The following GRM5 variants were observed in gnomAD, a reference collection of about 807,000 sequenced individuals.
GRM5 encodes glutamate metabotropic receptor 5.
In GRM5, 19 loss-of-function variants were observed where a neutral mutation model predicts 83.1. That is an observed-to-expected ratio of 0.23 (90% CI 0.16 to 0.34). The LOEUF (loss-of-function observed/expected upper bound fraction) is 0.34. GRM5 is among the 10% of genes least tolerant of loss of function. GRM5 has a pLI of 1.00. For synonymous variants in GRM5, 675 were observed against 633.6 expected, an observed-to-expected ratio of 1.07 and a Z score of -0.98; for missense variants, 1,160 against 1,588.3, an observed-to-expected ratio of 0.73 and a Z score of 4.58.
intron 3 of GRM5, among the ~76,000 whole-genome samples, chr11:88,778,198 G>C (rs1197095774): frequency 6.6e-6 from 1 of 152,236 alleles, no homozygotes; most frequent in Non-Finnish European, 1.5e-5. Flanking sequence ...CAGCCTGGCA[G>C]AGTGATCTCA....
chr11:89,059,539 G>A (rs375390315), intron 1 of GRM5, among the ~76,000 whole-genome samples: 2 of 151,354 alleles, frequency 1.3e-5, no homozygotes, highest in South Asian at 2.1e-4. Flanking sequence ...TTTAAATACC[G>A]GCTTTGTCAC....
chr11:88,640,265 C>T (rs1399855460), intron 4 of GRM5, among the ~76,000 whole-genome samples: 1 of 152,128 alleles, frequency 6.6e-6, no homozygotes, highest in Non-Finnish European at 1.5e-5. Context: ...ATCATGTGAT[C>T]AAAATTTTTC....
At chr11:88,599,849 T>C (rs1207226307) in intron 5 of GRM5, among the ~76,000 whole-genome samples, 3 of 151,910 alleles carry the variant, frequency 2.0e-5, no homozygotes, top group Non-Finnish European at 4.4e-5. Context: ...CCGTCTCTAC[T>C]AAAAATAAAA....
intron 2 of GRM5, among the ~76,000 whole-genome samples, chr11:88,874,719 A>G (rs141953906): frequency 7.1e-4 from 108 of 152,072 alleles, no homozygotes; most frequent in Middle Eastern, 3.4e-3. Flanking sequence ...TTAAGAATAT[A>G]TAGGTATACA....
At chr11:88,952,498 G>A (rs1451773233) in intron 2 of GRM5, among the ~76,000 whole-genome samples, 1 of 152,042 alleles carries the variant, frequency 6.6e-6, no homozygotes, top group Non-Finnish European at 1.5e-5. Context: ...ATGAGTATTG[G>A]TTGAATGTTC....
intron 2 of GRM5, among the ~76,000 whole-genome samples, chr11:88,990,709 T>C (rs1332724744): frequency 2.7e-5 from 4 of 150,416 alleles, no homozygotes; most frequent in African/African-American, 9.9e-5. Flanking sequence ...TGGTTCAATA[T>C]ACGCAAATCA....
chr11:88,924,556 A>G (rs1403869832), intron 2 of GRM5, among the ~76,000 whole-genome samples: 1 of 152,142 alleles, frequency 6.6e-6, no homozygotes, highest in African/African-American at 2.4e-5. Context: ...AGACACAGGA[A>G]AATAGATACT....
intron 3 of GRM5, among the ~76,000 whole-genome samples, chr11:88,685,761 A>T (rs894394322): frequency 5.3e-5 from 8 of 152,210 alleles, no homozygotes; most frequent in African/African-American, 1.9e-4. Context: ...GCGACCCCCA[A>T]GTCTTGGCAG....
At chr11:88,863,457 T>A (rs1314350186) in intron 2 of GRM5, among the ~76,000 whole-genome samples, 1 of 152,132 alleles carries the variant, frequency 6.6e-6, no homozygotes, top group Non-Finnish European at 1.5e-5. Context: ...TCATGTCCTT[T>A]GCAGGGACAT....
intron 3 of GRM5, among the ~76,000 whole-genome samples, chr11:88,741,295 G>A (rs1276651296): frequency 6.6e-6 from 1 of 151,962 alleles, no homozygotes; most frequent in Non-Finnish European, 1.5e-5. Flanking sequence ...AGTACAGTAG[G>A]GAGAATGAAA....
At chr11:88,763,394 A>G (rs1002734390) in intron 3 of GRM5, among the ~76,000 whole-genome samples, 5 of 151,882 alleles carry the variant, frequency 3.3e-5, no homozygotes, top group African/African-American at 9.7e-5. Context: ...CATTGTAACA[A>G]TGGTTTACAA....
chr11:88,765,301 C>T (rs1389760634), intron 3 of GRM5, among the ~76,000 whole-genome samples: 1 of 149,952 alleles, frequency 6.7e-6, no homozygotes. Context: ...GTGAATTCTA[C>T]CAACTGTTTA....
At chr11:88,814,641 G>C (rs1943639480) in intron 3 of GRM5, among the ~76,000 whole-genome samples, 1 of 152,098 alleles carries the variant, frequency 6.6e-6, no homozygotes, top group Non-Finnish European at 1.5e-5. Flanking sequence ...AGAACAAGCT[G>C]CTTCCAACTA....
At chr11:88,703,049 G>A (rs1941071083) in intron 3 of GRM5, among the ~76,000 whole-genome samples, 1 of 151,472 alleles carries the variant, frequency 6.6e-6, no homozygotes, top group Non-Finnish European at 1.5e-5. Context: ...ATAATATCTT[G>A]TTTGACTTAA....
At chr11:88,664,092 G>A (rs1939977082) in intron 3 of GRM5, among the ~76,000 whole-genome samples, 1 of 152,104 alleles carries the variant, frequency 6.6e-6, no homozygotes, top group African/African-American at 2.4e-5. Context: ...GCAGAGTGCT[G>A]CATATGAGGA....
chr11:88,784,364 T>C (rs1252197975), intron 3 of GRM5, among the ~76,000 whole-genome samples: 3 of 152,086 alleles, frequency 2.0e-5, no homozygotes, highest in African/African-American at 7.2e-5. Flanking sequence ...GTGCCCACCA[T>C]AGGAATAACT....
chr11:88,819,949 TTATAA>T (rs1379807867), intron 3 of GRM5, among the ~76,000 whole-genome samples: 1 of 152,170 alleles, frequency 6.6e-6, no homozygotes, highest in Non-Finnish European at 1.5e-5. Flanking sequence ...CCCATTTCCA[TTATAA>T]TATAATTAAT....
chr11:88,583,068 A>T (rs1467164999), intron 7 of GRM5, among the ~76,000 whole-genome samples: 4 of 152,172 alleles, frequency 2.6e-5, no homozygotes, highest in Non-Finnish European at 4.4e-5. Context: ...GGAAATGAAA[A>T]GAAATCTTCC....
intron 8 of GRM5, among the ~76,000 whole-genome samples, chr11:88,548,985 A>G (rs1942443199): frequency 6.6e-6 from 1 of 152,226 alleles, no homozygotes; most frequent in African/African-American, 2.4e-5. Context: ...GGGGAAAAAC[A>G]TGCAAATCAA....
Sources: allele counts gnomAD v4.1 joint callset (sites outside exome capture counted in the v4.1 genomes callset), GRCh38; gene constraint gnomAD v4.1.1; transcripts MANE v1.5; gene names NCBI Gene and HGNC (gene_info 2026-07-23, HGNC 2026-07-21).